Variants in FBRSL1 observed in about 807,000 individuals in gnomAD.
FBRSL1 encodes the protein fibrosin-1-like protein.
In FBRSL1, 51 loss-of-function variants were observed where a neutral mutation model predicts 89.6. The ratio of observed to expected loss-of-function variants is 0.57; its 90% CI spans 0.45 to 0.72. FBRSL1 has a LOEUF of 0.72. FBRSL1 is among the 30% of genes least tolerant of loss of function. The pLI is 0.00. For synonymous variants in FBRSL1, 779 were observed against 681.1 expected (o/e 1.14, Z -2.24); for missense variants, 1,618 against 1,451.8 (o/e 1.11, Z -1.86).
chr12:132,511,500 C>T (rs577989535), intron 2 of FBRSL1: 155 of 985,978 alleles, frequency 1.6e-4, no homozygotes, highest in Non-Finnish European at 1.6e-4. Flanking sequence ...GCACGCCACT[C>T]GCCCAAAAGG....
At chr12:132,494,711 C>T (rs1403837137) in intron 1 of FBRSL1, among the ~76,000 whole-genome samples, 1 of 152,214 alleles carries the variant, frequency 6.6e-6, no homozygotes, top group Non-Finnish European at 1.5e-5. Context: ...TTGGTCCACA[C>T]GTCAAGCTCC....
intron 5 of FBRSL1, chr12:132,559,941 GCCCGCGCTCCCGCCT>G (rs1392709341): frequency 2.0e-5 from 3 of 147,404 alleles, no homozygotes; most frequent in African/African-American, 7.3e-5. Context: ...CCCCCGCCCC[GCCCGCGCTCCCGCCT>G]CCCGCGCGCC....
At position 132,527,627 on chromosome 12, in the gene FBRSL1, G is replaced by A. The variant is rs543281408; in HGVS notation, c.580-326G>A. On this transcript the variant is annotated intron_variant, in intron 3 of 18. Transcript: ENST00000680143. ...GGGTTGAGGGCTGCGGGGCTGCGGG[G>A]CAGGGTTGAGGGCTGCGGGGCTGCG... 2.7e-5 allele frequency among the ~76,000 whole-genome samples: 4 copies of A among 148,790 alleles called. No homozygotes were observed. In the South Asian group the frequency reaches 8.6e-4, roughly 32 times the overall value.
intron 1 of FBRSL1, among the ~76,000 whole-genome samples, chr12:132,493,392 G>GT (rs2031435846): frequency 1.3e-5 from 2 of 152,220 alleles, no homozygotes; most frequent in Admixed American, 1.3e-4. Context: ...CACTGCAGTG[G>GT]TATAAACAAC....
Position 132,570,147 on chromosome 12 carries a change from C to A in FBRSL1, c.913C>A (p.Gln305Lys). ...CCACACCCCGCAGCCGCCACCCCCGCAGCCCCGCGGCCTGCTCCCGACACA... is the reference window on the plus strand; with the variant it reads ...CCACACCCCGCAGCCGCCACCCCCGAAGCCCCGCGGCCTGCTCCCGACACA... ...HRHTPQPPPP[Q>K]PRGLLPTHVP... is the part of the protein sequence containing the mutation. The change falls in exon 7 of 19, where the codon CAG becomes AAG. Residue 305 changes from glutamine (Q) to lysine (K), a missense_variant. Physicochemically the swap from Gln to Lys is moderately conservative, Grantham distance 53. Transcript: ENST00000680143. 6.7e-7 allele frequency: 1 copy of A among 1,482,064 alleles called. No individual in the cohort carries two copies. Among genetic ancestry groups the A allele is most frequent in the Non-Finnish European group, 8.9e-7 (1 of 1,126,060 alleles). The allele number at this position is 1,482,064 out of a possible 1,614,324, so 91.8% of individuals were successfully genotyped here.
At chr12:132,512,980 C>G (rs1442140374) in intron 2 of FBRSL1, among the ~76,000 whole-genome samples, 2 of 152,216 alleles carry the variant, frequency 1.3e-5, no homozygotes, top group Non-Finnish European at 1.5e-5. Context: ...GGCAGAGACA[C>G]CAGGGCGCTA....
intron 9 of FBRSL1, chr12:132,571,576 C>T: frequency 2.5e-6 from 3 of 1,220,966 alleles, no homozygotes; most frequent in Non-Finnish European, 3.2e-6. Flanking sequence ...GGGGCGGGGA[C>T]ACGCAGCAGG....
rs1456145377 is a variant in FBRSL1 at position 132,583,371 on chromosome 12, G to T, written c.2602G>T (p.Ala868Ser). Reference sequence around the variant, plus strand: ...GCTGCCACGTCGCGCCTTCCCCGCTGCCGCCCCCGCCCCGGGCTCCGCCGC... The same window carrying T: ...GCTGCCACGTCGCGCCTTCCCCGCTTCCGCCCCCGCCCCGGGCTCCGCCGC... ...LELPRRAFPAAAPAPGSAALL... is the reference protein window; with the variant it reads ...LELPRRAFPASAPAPGSAALL... Residue 868 changes from alanine (A) to serine (S), a missense_variant, in exon 19 of 19, where the codon GCC (alanine) becomes TCC (serine). Transcript: ENST00000680143. 2.7e-6 allele frequency: 3 copies of T among 1,105,254 alleles called. 1 individual carries two copies. Among genetic ancestry groups the T allele is most frequent in the Non-Finnish European group, 3.3e-6 (3 of 905,580 alleles). 68.5% of individuals were successfully genotyped at this position (1,105,254 alleles called of 1,614,324 possible). A position where few individuals can be genotyped will look rare whatever the true frequency, so the allele number is the denominator to read the frequency against.
chr12:132,518,207 A>G (rs998773390), intron 2 of FBRSL1, among the ~76,000 whole-genome samples: 1 of 152,120 alleles, frequency 6.6e-6, no homozygotes, highest in Non-Finnish European at 1.5e-5. Context: ...TATCATCTGT[A>G]GTGTATCTCA....
chr12:132,580,077 A>G (rs759107101), intron 15 of FBRSL1, among the ~76,000 whole-genome samples: 45 of 151,884 alleles, frequency 3.0e-4, no homozygotes, highest in South Asian at 1.0e-3. Context: ...TGTCCATTTC[A>G]CCAGTATTTT....
intron 6 of FBRSL1, among the ~76,000 whole-genome samples, 193 bp from the exon 7 acceptor site, chr12:132,569,733 G>A (rs1446643283): frequency 2.6e-5 from 4 of 152,000 alleles, no homozygotes; most frequent in Non-Finnish European, 4.4e-5. Flanking sequence ...TCCCTCCGCC[G>A]GGCGGGGCCT....
At position 132,582,105 on chromosome 12, in the gene FBRSL1, G is replaced by A; in HGVS notation, c.2040G>A (p.Val680=). 1.3e-6 allele frequency: 2 copies of A among 1,549,642 alleles called. No individual in the cohort carries two copies. ...SIFAPKEGSS[V]HGLPSPHEAW... ...TTGCCCCCAAGGAGGGCTCCTCCGT[G>A]CACGGCCTGCCCAGCCCCCATGAGG... Residue 680 remains valine, a synonymous_variant, in exon 18 of 19, where the codon GTG becomes GTA. Transcript: ENST00000680143.
chr12:132,533,739 T>C (rs1295019939), intron 4 of FBRSL1, among the ~76,000 whole-genome samples: 1 of 152,236 alleles, frequency 6.6e-6, no homozygotes, highest in African/African-American at 2.4e-5. Context: ...ACAGCCTGAC[T>C]CTGGGCTGGG....
In FBRSL1 at chr12:132,576,953, G is replaced by A. The variant is rs542554631; in HGVS notation, c.1834+22G>A. ...ACAGGTGAGACTGGAGTCGGGCCAG[G>A]TGGGGGGCACAGAAACCTCCCGCTC... is the stretch of plus-strand genomic sequence containing the variant. On this transcript the variant is annotated intron_variant, in intron 15 of 18. Transcript: ENST00000680143. The A allele has an allele frequency of 3.9e-6, 6 of 1,542,104 alleles. No individual in the cohort carries two copies. In the African/African-American group the frequency reaches 4.1e-5, roughly 11 times the overall value.
rs1040348667 is a variant in FBRSL1 at position 132,494,686 on chromosome 12, C to G, written c.291+3825C>G. 1.0e-3 allele frequency among the ~76,000 whole-genome samples: 153 copies of G among 152,240 alleles called. 2 individuals are homozygous for G. Among genetic ancestry groups the G allele is most frequent in the Admixed American group, 9.9e-3 (152 of 15,286 alleles). On this transcript the variant is annotated intron_variant, in intron 1 of 18. Coordinates refer to ENST00000680143, the MANE Select transcript of FBRSL1 (RefSeq NM_001367871.1). Reference sequence around the variant, plus strand: ...TTTTTCAAACAGCAAATCACTTTCACCTGGTGACTTTCACTTGGTCCACAC... The same window carrying G: ...TTTTTCAAACAGCAAATCACTTTCAGCTGGTGACTTTCACTTGGTCCACAC...
Position 132,535,344 on chromosome 12 carries a change from G to A in FBRSL1, c.615+7356G>A, listed in dbSNP as rs527752242. ...TTCTGGCCCAGCCGGAGCTGTGCTCGGAGGGACACTAATGAGAAAAAGGAG... is the reference window on the plus strand; with the variant it reads ...TTCTGGCCCAGCCGGAGCTGTGCTCAGAGGGACACTAATGAGAAAAAGGAG... On this transcript the variant is annotated intron_variant, in intron 4 of 18. Transcript: ENST00000680143. Among the ~76,000 whole-genome samples, 29 of 152,304 alleles carry A rather than the reference G, an allele frequency of 1.9e-4. No individual in the cohort carries two copies. In the South Asian group the frequency reaches 4.1e-3, roughly 22 times the overall value.
Position 132,567,477 on chromosome 12 carries a change from C to G in FBRSL1, c.646-4C>G, listed in dbSNP as rs1240118878. The G allele has an allele frequency of 6.4e-7, 1 of 1,551,146 alleles. No individual in the cohort carries two copies. The highest frequency in any genetic ancestry group is 2.0e-5 in the Admixed American group (1 of 51,000). The stretch of plus-strand genomic sequence containing the variant: ...TGCCCCTGACCCCCCTTCTCTCTCT[C>G]CAGGCATCCGTGGGCTCTGAGAAGC... On this transcript the variant is annotated splice_polypyrimidine_tract_variant and splice_region_variant and intron_variant, in intron 5 of 18. Transcript: ENST00000680143.
Position 132,527,999 on chromosome 12 carries a change from C to T in FBRSL1, c.615+11C>T, listed in dbSNP as rs1243837914. On this transcript the variant is annotated intron_variant, in intron 4 of 18. Coordinates refer to ENST00000680143, the MANE Select transcript of FBRSL1 (RefSeq NM_001367871.1). ...GGGAGAGGCTACTCTGTAAGTCTCC[C>T]AGCACCCCTCCTCCATCTTTGTCCC... The T allele has an allele frequency of 2.6e-6, 4 of 1,551,172 alleles. No homozygotes were observed. The highest frequency in any genetic ancestry group is 1.4e-5 in the African/African-American group (1 of 73,116).
chr12:132,569,063 T>C (rs1459659738), intron 6 of FBRSL1, among the ~76,000 whole-genome samples: 3 of 152,006 alleles, frequency 2.0e-5, no homozygotes, highest in African/African-American at 7.2e-5. Flanking sequence ...TTGTTTTGTT[T>C]CTCCTGCGAA....
Sources: gnomAD v4.1 joint callset for allele counts (sites outside exome capture counted in the v4.1 genomes callset) on GRCh38, gnomAD v4.1.1 for gene constraint, MANE v1.5 for transcripts, NCBI Gene and HGNC (gene_info 2026-07-23, HGNC 2026-07-21) for gene names.